Variants in LDB2 observed in about 807,000 individuals in gnomAD.
LDB2 encodes LIM domain-binding protein 2.
In LDB2, 12 loss-of-function variants were observed where a neutral mutation model predicts 44.3. The ratio of observed to expected loss-of-function variants is 0.27; its 90% CI spans 0.17 to 0.44. The LOEUF (loss-of-function observed/expected upper bound fraction) is 0.44, where lower values mean the gene tolerates loss of function less well. Ranked by LOEUF, LDB2 falls within the 20% of genes least tolerant of loss-of-function variation. The probability of loss-of-function intolerance (pLI) is 1.00; values close to 1 mark genes in which losing one functional copy is unlikely to be tolerated. For missense variants in LDB2, 344 were observed against 473.5 expected (o/e 0.73, Z 2.54); for synonymous variants, 164 against 174.8 (o/e 0.94, Z 0.49).
At chr4:16,503,804 G>A (rs1718270048) in intron 7 of LDB2, among the ~76,000 whole-genome samples, 1 of 152,168 alleles carries the variant, frequency 6.6e-6, no homozygotes, top group Non-Finnish European at 1.5e-5. Context: ...AGTACAAATT[G>A]TCCTTCCATG....
chr4:16,667,831 C>T (rs1188896714), intron 2 of LDB2, among the ~76,000 whole-genome samples: 1 of 152,196 alleles, frequency 6.6e-6, no homozygotes, highest in Non-Finnish European at 1.5e-5. Context: ...TGGCCTCAGG[C>T]TTGGCATGCT....
At chr4:16,886,012 T>C (rs560267636) in intron 1 of LDB2, among the ~76,000 whole-genome samples, 2 of 152,220 alleles carry the variant, frequency 1.3e-5, no homozygotes, top group African/African-American at 4.8e-5. Context: ...AGCCAGGAGT[T>C]TGAGACCAGC....
At chr4:16,588,503 C>A (rs1717784883) in intron 4 of LDB2, among the ~76,000 whole-genome samples, 1 of 152,064 alleles carries the variant, frequency 6.6e-6, no homozygotes, top group Non-Finnish European at 1.5e-5. Flanking sequence ...AATAGTCTCA[C>A]AATGTACCAA....
intron 2 of LDB2, among the ~76,000 whole-genome samples, chr4:16,722,561 G>A (rs982398202): frequency 3.3e-5 from 5 of 152,142 alleles, no homozygotes; most frequent in Non-Finnish European, 7.3e-5. Flanking sequence ...TGTATCAACT[G>A]TCATCTCTTT....
At chr4:16,615,160 C>T (rs1009167268) in intron 2 of LDB2, among the ~76,000 whole-genome samples, 1 of 150,526 alleles carries the variant, frequency 6.6e-6, no homozygotes, top group East Asian at 2.0e-4. Context: ...TTAGTGGGAG[C>T]GTAAATTAGT....
chr4:16,600,752 G>A (rs6449259), intron 2 of LDB2, among the ~76,000 whole-genome samples: 93,501 of 151,804 alleles, frequency 0.62, 29,156 homozygotes, highest in Middle Eastern at 0.75. Flanking sequence ...ATAGGGTGAC[G>A]GTGTGGTGGA....
chr4:16,693,045 C>T (rs1180258331), intron 2 of LDB2, among the ~76,000 whole-genome samples: 3 of 152,156 alleles, frequency 2.0e-5, no homozygotes, highest in Admixed American at 6.5e-5. Context: ...TGGACCAGGT[C>T]CCCTGTAATT....
chr4:16,569,247 T>C (rs933804210), intron 5 of LDB2, among the ~76,000 whole-genome samples: 1 of 152,236 alleles, frequency 6.6e-6, no homozygotes, highest in African/African-American at 2.4e-5. Context: ...ATCCACATTG[T>C]CAGTTCTCCA....
Position 16,560,358 on chromosome 4 carries a change from G to T in LDB2, c.615+25564C>A, listed in dbSNP as rs1469310886. Among the ~76,000 whole-genome samples, 4 of 152,050 alleles carry T rather than the reference G, an allele frequency of 2.6e-5. No homozygotes were observed. The East Asian group carries it at 7.7e-4, about 29-fold the overall frequency. ...GAAAAAAAGACAGAAGAATCAAATA[G>T]ACACAATAAAAAATGATAAAGGGGA... On this transcript the variant is annotated intron_variant, in intron 5 of 7. Transcript: ENST00000304523.
chr4:16,820,911 C>G (rs1477047472), intron 1 of LDB2, among the ~76,000 whole-genome samples: 1 of 152,160 alleles, frequency 6.6e-6, no homozygotes, highest in African/African-American at 2.4e-5. Context: ...TCCCCCACCG[C>G]TCCCCAAAAG....
intron 1 of LDB2, among the ~76,000 whole-genome samples, chr4:16,881,129 C>T (rs887340112): frequency 6.6e-6 from 1 of 152,138 alleles, no homozygotes; most frequent in Non-Finnish European, 1.5e-5. Context: ...AGACTCAAGA[C>T]CTTCTGTAAC....
At chr4:16,737,262 T>C (rs283020) in intron 2 of LDB2, among the ~76,000 whole-genome samples, 59,355 of 151,926 alleles carry the variant, frequency 0.39, 11,760 homozygotes, top group East Asian at 0.66. Context: ...AGGATCTGGC[T>C]CTATCGCCCG....
intron 2 of LDB2, among the ~76,000 whole-genome samples, chr4:16,679,426 T>C (rs1289675544): frequency 6.6e-6 from 1 of 152,184 alleles, no homozygotes; most frequent in Non-Finnish European, 1.5e-5. Flanking sequence ...TTCTAGCATT[T>C]ACTATGGGCC....
chr4:16,560,073 A>C (rs2152376388), intron 5 of LDB2, among the ~76,000 whole-genome samples: 1 of 152,360 alleles, frequency 6.6e-6, no homozygotes, highest in African/African-American at 2.4e-5. Flanking sequence ...AGCAGTGTGT[A>C]GAGGGAAATT....
chr4:16,504,225 A>G (rs1718456055), intron 7 of LDB2, among the ~76,000 whole-genome samples: 1 of 152,214 alleles, frequency 6.6e-6, no homozygotes, highest in African/African-American at 2.4e-5. Flanking sequence ...GGACAGTAGA[A>G]TGGAATACTG....
intron 2 of LDB2, among the ~76,000 whole-genome samples, chr4:16,632,668 T>C (rs1019317144): frequency 3.9e-5 from 6 of 152,174 alleles, no homozygotes; most frequent in Admixed American, 2.6e-4. Context: ...CATGATTGTA[T>C]ACTTAGAAAA....
At chr4:16,726,241 C>G (rs1255174772) in intron 2 of LDB2, 5 of 152,118 alleles carry the variant, frequency 3.3e-5, no homozygotes, top group Non-Finnish European at 7.4e-5. Flanking sequence ...GCTCAGTTTA[C>G]AGTAAAAACC....
At chr4:16,621,525 C>A (rs1728873257) in intron 2 of LDB2, among the ~76,000 whole-genome samples, 1 of 152,164 alleles carries the variant, frequency 6.6e-6, no homozygotes. Flanking sequence ...GCTTCTAAAT[C>A]AATTCTATAA....
chr4:16,771,574 C>A (rs1770699691), intron 1 of LDB2, among the ~76,000 whole-genome samples: 1 of 152,180 alleles, frequency 6.6e-6, no homozygotes, highest in Admixed American at 6.5e-5. Flanking sequence ...CAATTCTTCT[C>A]ATTCTCTTCC....
Sources: allele counts gnomAD v4.1 joint callset (sites outside exome capture counted in the v4.1 genomes callset), GRCh38; gene constraint gnomAD v4.1.1; transcripts MANE v1.5; gene names NCBI Gene and HGNC (gene_info 2026-07-23, HGNC 2026-07-21).